NEXN: variants seen among roughly 807,000 people sequenced by gnomAD.
The protein encoded by NEXN is nexilin F-actin binding protein.
Under a neutral mutation model 92.6 loss-of-function variants are expected in NEXN, and 65 were observed. The observed-to-expected ratio is 0.70, with a 90% CI of 0.57 to 0.86. The LOEUF is 0.86. Ranked by LOEUF, NEXN falls within the 40% of genes least tolerant of loss-of-function variation. The pLI is 0.00. For synonymous variants in NEXN, 254 were observed against 242.5 expected (o/e 1.05, Z -0.44); for missense variants, 778 against 771.1 (o/e 1.01, Z -0.11).
chr1:77,915,365 C>G (rs1648887237), intron 1 of NEXN, among the ~76,000 whole-genome samples: 1 of 152,168 alleles, frequency 6.6e-6, no homozygotes, highest in African/African-American at 2.4e-5. Context: ...CATGGTGGCT[C>G]ATGCCTGTAA....
intron 9 of NEXN, 45 bp downstream of exon 9, chr1:77,929,549 G>C: frequency 6.2e-7 from 1 of 1,608,264 alleles, no homozygotes; most frequent in Non-Finnish European, 8.5e-7. Flanking sequence ...ATTCACCTTT[G>C]AGAATATGTT....
rs753767847 is a variant in NEXN, at chr1:77,942,931, T to G, written c.*102T>G. ...ACTACTAGCTCCCCTCCCCTCTCCC[T>G]GGAACTTTCTCTTTCACTCCAACTT... On this transcript the variant is annotated 3_prime_UTR_variant, in exon 13 of 13. Coordinates refer to ENST00000334785, the MANE Select transcript of NEXN (RefSeq NM_144573.4). The G allele has an allele frequency of 6.9e-7, 1 of 1,450,396 alleles. No individual in the cohort carries two copies. Among genetic ancestry groups the G allele is most frequent in the Admixed American group, 2.0e-5 (1 of 50,528 alleles). 89.8% of individuals were successfully genotyped at this position (1,450,396 alleles called of 1,614,324 possible). A position where few individuals can be genotyped will look rare whatever the true frequency, so the allele number is the denominator to read the frequency against.
chr1:77,910,793 G>A (rs1250419370), intron 1 of NEXN, among the ~76,000 whole-genome samples: 1 of 151,004 alleles, frequency 6.6e-6, no homozygotes, highest in Admixed American at 6.6e-5. Context: ...TTTTAGCAGG[G>A]TTGCAAGATA....
intron 1 of NEXN, among the ~76,000 whole-genome samples, chr1:77,912,186 AC>A (rs1214561690): frequency 6.6e-6 from 1 of 152,168 alleles, no homozygotes; most frequent in Admixed American, 6.5e-5. Flanking sequence ...AATCTAAAAA[AC>A]AACACCATTT....
intron 11 of NEXN, among the ~76,000 whole-genome samples, chr1:77,939,185 C>T (rs1050847658): frequency 5.3e-5 from 8 of 151,968 alleles, no homozygotes; most frequent in East Asian, 1.9e-4. Flanking sequence ...CAGTTGGTTG[C>T]GGAGGGGTCT....
intron 9 of NEXN, 108 bp downstream of exon 9, chr1:77,929,612 A>G: frequency 6.9e-7 from 1 of 1,456,442 alleles, no homozygotes; most frequent in Non-Finnish European, 9.5e-7. Flanking sequence ...AAACTGTGCC[A>G]AGAGTAGAAA....
intron 10 of NEXN, 52 bp downstream of exon 10, chr1:77,933,531 T>G (rs1650480347): frequency 8.1e-7 from 1 of 1,234,962 alleles, no homozygotes; most frequent in African/African-American, 1.5e-5. Flanking sequence ...GCTAAATATT[T>G]TACTTATATC....
In NEXN at chr1:77,942,639, T is replaced by G. The variant is rs1332052631; in HGVS notation, c.1838T>G (p.Ile613Ser). The G allele has an allele frequency of 6.2e-7, 1 of 1,613,628 alleles. No homozygotes were observed. ...GTAACAGGAGAACCCAAACCAGAAA[T>G]TACATGGTGGTTTGAAGGAGAAATA... Reference protein sequence around the residue: ...VKVTGEPKPEITWWFEGEILQ... With the variant: ...VKVTGEPKPESTWWFEGEILQ... The change falls in exon 13 of 13, where the codon ATT becomes AGT. Residue 613 changes from isoleucine to serine, a missense_variant. Ile to Ser is a moderately radical substitution (Grantham distance 142). Coordinates refer to ENST00000334785, the MANE Select transcript of NEXN (RefSeq NM_144573.4).
intron 1 of NEXN, among the ~76,000 whole-genome samples, chr1:77,892,406 G>T (rs1483092175): frequency 1.3e-5 from 2 of 152,106 alleles, no homozygotes; most frequent in African/African-American, 4.8e-5. Flanking sequence ...CAGACAGGCA[G>T]GTCACATGCT....
intron 5 of NEXN, among the ~76,000 whole-genome samples, chr1:77,919,065 G>A (rs1220496301): frequency 1.3e-5 from 2 of 152,228 alleles, no homozygotes; most frequent in Non-Finnish European, 2.9e-5. Flanking sequence ...GGAGTCCTCA[G>A]AATCATGGCG....
intron 2 of NEXN, among the ~76,000 whole-genome samples, chr1:77,916,948 A>G (rs1189874974): frequency 6.6e-6 from 1 of 152,156 alleles, no homozygotes; most frequent in Non-Finnish European, 1.5e-5. Flanking sequence ...CACATTTTTA[A>G]TGTGGCTTAA....
intron 1 of NEXN, among the ~76,000 whole-genome samples, chr1:77,902,253 T>C (rs1458225233): frequency 6.6e-6 from 1 of 152,164 alleles, no homozygotes; most frequent in African/African-American, 2.4e-5. Flanking sequence ...AATTTGTTAT[T>C]TTCTCCTCCT....
chr1:77,936,178 T>G, intron 11 of NEXN, 134 bp downstream of exon 11: 1 of 664,450 alleles, frequency 1.5e-6, no homozygotes, highest in African/African-American at 1.8e-5. Flanking sequence ...GGGAAGTAAA[T>G]AGCAAAACAC....
In NEXN at chr1:77,916,035, AC is replaced by A; in HGVS notation, c.-52-19del. 1.1e-6 allele frequency: 1 copy of A among 892,064 alleles called. No homozygotes were observed. The highest frequency in any genetic ancestry group is 1.5e-6 in the Non-Finnish European group (1 of 646,786). The allele number at this position is 892,064 out of a possible 1,614,324, so 55.3% of individuals were successfully genotyped here. ...TTACAAATAAATTAAAATTTATTAT[AC>A]AATATAAATTTTTTTCAGGTGCAAA... On this transcript the variant is annotated intron_variant, in intron 1 of 12. Transcript: ENST00000334785.
rs11558429 is a variant in NEXN at position 77,943,108 on chromosome 1, G to A, written c.*279G>A. 3,611 of 413,710 alleles carry A rather than the reference G, an allele frequency of 8.7e-3. 41 individuals are homozygous for A. The highest frequency in any genetic ancestry group is 0.032 in the Middle Eastern group (41 of 1,264). 25.6% of individuals were successfully genotyped at this position (413,710 alleles called of 1,614,324 possible). A position where few individuals can be genotyped will look rare whatever the true frequency, so the allele number is the denominator to read the frequency against. ...TTTCCAAATAAGCATCAGATTTATC[G>A]CCTATTATGCAGTAACAGTCAATAA... On this transcript the variant is annotated 3_prime_UTR_variant, in exon 13 of 13. Coordinates refer to ENST00000334785, the MANE Select transcript of NEXN (RefSeq NM_144573.4).
chr1:77,918,735 C>A (rs1166876433), intron 5 of NEXN, among the ~76,000 whole-genome samples: 1 of 151,260 alleles, frequency 6.6e-6, no homozygotes, highest in African/African-American at 2.4e-5. Context: ...ACATCAGATG[C>A]CTAGAAGGAC....
chr1:77,913,497 G>T (rs144338557), intron 1 of NEXN, among the ~76,000 whole-genome samples: 1 of 150,942 alleles, frequency 6.6e-6, no homozygotes, highest in East Asian at 1.9e-4. Context: ...CATATGAAAA[G>T]GTGCTTTAAT....
intron 1 of NEXN, among the ~76,000 whole-genome samples, chr1:77,895,308 G>A (rs772593255): frequency 2.6e-5 from 4 of 151,998 alleles, no homozygotes; most frequent in Non-Finnish European, 5.9e-5. Context: ...GCCTCTGAAA[G>A]TGCTGGGATT....
At position 77,926,490 on chromosome 1, in the gene NEXN, T is replaced by C; in HGVS notation, c.566T>C (p.Phe189Ser). 6.2e-7 allele frequency: 1 copy of C among 1,610,820 alleles called. No homozygotes were observed. The highest frequency in any genetic ancestry group is 8.5e-7 in the Non-Finnish European group (1 of 1,178,988). The part of the protein sequence containing the change: ...YKTSGKMKKN[F>S]EDLEKEREEK... ...ACATCTGGAAAAATGAAAAAGAATT[T>C]TGAGGATCTAGAAAAAGAACGTGAA... Residue 189 changes from phenylalanine (F) to serine (S), a missense_variant, in exon 7 of 13, where the codon TTT (phenylalanine) becomes TCT (serine). Around this residue, in one of 3 missense-constraint regions of NEXN, gnomAD observed 236 missense variants for 265.6 expected, o/e 0.89. Transcript: ENST00000334785.
Sources: allele counts gnomAD v4.1 joint callset (sites outside exome capture counted in the v4.1 genomes callset), GRCh38; gene constraint gnomAD v4.1.1; regional missense constraint gnomAD v4.1.1; transcripts MANE v1.5; gene names NCBI Gene and HGNC (gene_info 2026-07-23, HGNC 2026-07-21).